APRT: variants seen among roughly 807,000 people sequenced by gnomAD.
APRT encodes adenine phosphoribosyltransferase.
Under a neutral mutation model 21.0 loss-of-function variants are expected in APRT, and 25 were observed. The ratio of observed to expected loss-of-function variants is 1.19; its 90% CI spans 0.87 to 1.66. APRT has a LOEUF of 1.66. APRT is among the 40% of genes most tolerant of loss of function. The probability of loss-of-function intolerance (pLI) is 0.00; values close to 1 mark genes in which losing one functional copy is unlikely to be tolerated. For missense variants in APRT, 294 were observed against 232.7 expected (o/e 1.26, Z -1.72); for synonymous variants, 153 against 109.0 (o/e 1.40, Z -2.52).
At chr16:88,810,836 C>T (rs1909105116) in intron 2 of APRT, among the ~76,000 whole-genome samples, 1 of 152,166 alleles carries the variant, frequency 6.6e-6, no homozygotes, top group African/African-American at 2.4e-5. Flanking sequence ...TGGTAGAAAC[C>T]TGACAGGCCT....
chr16:88,811,120 G>A (rs1909118705), intron 2 of APRT: 1 of 360,788 alleles, frequency 2.8e-6, no homozygotes, highest in South Asian at 5.0e-5. Flanking sequence ...TGTTCTCCCT[G>A]GGCCACCTCT....
Position 88,809,769 on chromosome 16 carries a change from C to T in APRT, c.472G>A (p.Glu158Lys), listed in dbSNP as rs777265858. 1.9e-6 allele frequency: 3 copies of T among 1,613,338 alleles called. No homozygotes were observed. In the South Asian group the frequency reaches 3.3e-5, roughly 18 times the overall value. Residue 158 changes from glutamate (E) to lysine (K), a missense_variant, in exon 5 of 5, where the codon GAG (glutamate) becomes AAG (lysine). Glu to Lys is a moderately conservative substitution (Grantham distance 56). Transcript: ENST00000378364. ...TCCCTGCCCTTAAGCGAGGTCAGCT[C>T]CACCAGGCTCACGCACTCCAGGACC... The part of the protein sequence containing the change: ...AEVLECVSLV[E>K]LTSLKGREKL...
chr16:88,810,465 T>C lies in APRT; in HGVS notation c.279A>G (p.Pro93=). Reference sequence around the variant, plus strand: ...AATAGGAGGCCCACAGAGTGGGGCCTGGCAGCTTCCCCCGCTTTCGGATGA... The same window carrying C: ...AATAGGAGGCCCACAGAGTGGGGCCCGGCAGCTTCCCCCGCTTTCGGATGA... ...CVLIRKRGKL[P]GPTLWASYSL... The change falls in exon 3 of 5, where the codon CCA becomes CCG. Residue 93 remains proline (P), a synonymous_variant. Transcript: ENST00000378364. The C allele has an allele frequency of 6.2e-7, 1 of 1,612,384 alleles. No homozygotes were observed. The highest frequency in any genetic ancestry group is 8.5e-7 in the Non-Finnish European group (1 of 1,179,984).
chr16:88,811,433 C>T, intron 2 of APRT, 117 bp downstream of exon 2: 2 of 1,147,016 alleles, frequency 1.7e-6, no homozygotes, highest in Non-Finnish European at 2.5e-6. Context: ...GGCGCCCGTC[C>T]CGGCGCCCCC....
At chr16:88,809,940 A>C in intron 4 of APRT, 100 bp from the exon 5 acceptor site, 1 of 1,575,852 alleles carries the variant, frequency 6.3e-7, no homozygotes, top group Non-Finnish European at 8.7e-7. Context: ...TGGGGAGAGG[A>C]AGGTGTCGGC....
At chr16:88,810,180 CT>C (rs1567504737) in intron 3 of APRT, 32 bp from the exon 4 acceptor site, 1 of 1,607,678 alleles carries the variant, frequency 6.2e-7, no homozygotes. Flanking sequence ...GGTCCTCAGC[CT>C]CCCGCAGAAA....
At chr16:88,810,245 CACCTTGCTGTT>C in intron 3 of APRT, 97 bp from the exon 4 acceptor site, 3 of 1,520,640 alleles carry the variant, frequency 2.0e-6, no homozygotes, top group Non-Finnish European at 2.7e-6. Context: ...ACTCCAACCC[CACCTTGCTGTT>C]ACCTGGCTGT....
intron 2 of APRT, chr16:88,811,163 C>A: frequency 2.3e-6 from 1 of 428,136 alleles, no homozygotes; most frequent in South Asian, 4.3e-5. Context: ...GGCCTCCCTT[C>A]CCTGGGTGGG....
chr16:88,809,961 G>A (rs1909049825), intron 4 of APRT, 109 bp downstream of exon 4: 1 of 1,565,888 alleles, frequency 6.4e-7, no homozygotes, highest in Non-Finnish European at 8.7e-7. Flanking sequence ...CTGGCCACCA[G>A]GCACCCTCTG....
chr16:88,810,337 A>G, intron 3 of APRT, 86 bp downstream of exon 3: 2 of 1,576,462 alleles, frequency 1.3e-6, no homozygotes, highest in Non-Finnish European at 1.7e-6. Context: ...TCCACTTGAC[A>G]CGCCTGGGAA....
chr16:88,809,727 G>A lies in APRT; in HGVS notation c.514C>T (p.Pro172Ser), dbSNP rs781239221. The change falls in exon 5 of 5, where the codon CCC (proline) becomes TCC (serine). Residue 172 changes from proline (P) to serine (S), a missense_variant. Physicochemically the swap from Pro to Ser is moderately conservative, Grantham distance 74 (BLOSUM62 -1). Coordinates refer to ENST00000378364, the MANE Select transcript of APRT (RefSeq NM_000485.3). Reference protein sequence around the residue: ...LKGREKLAPVPFFSLLQYE With the variant: ...LKGREKLAPVSFFSLLQYE ...TCATACTGCAGGAGAGAGAAGAAGG[G>A]TACAGGTGCCAGCTTCTCCCTGCCC... is the stretch of plus-strand genomic sequence containing the variant. 4 of 1,613,286 alleles carry A rather than the reference G, an allele frequency of 2.5e-6. No homozygotes were observed. The highest frequency in any genetic ancestry group is 2.7e-5 in the African/African-American group (2 of 74,918).
rs1909026101 is a variant in APRT at position 88,809,602 on chromosome 16, C to T, written c.*96G>A. On this transcript the variant is annotated 3_prime_UTR_variant, in exon 5 of 5. Coordinates refer to ENST00000378364, the MANE Select transcript of APRT (RefSeq NM_000485.3). ...CTGAACCCCAGCAAAGGAATGTGTTCCCTGTGGGCAGCCGGTGCCCCTGGT... is the reference window on the plus strand; with the variant it reads ...CTGAACCCCAGCAAAGGAATGTGTTTCCTGTGGGCAGCCGGTGCCCCTGGT... 2.5e-6 allele frequency: 4 copies of T among 1,569,406 alleles called. No homozygotes were observed. Among genetic ancestry groups the T allele is most frequent in the Admixed American group, 1.7e-5 (1 of 59,784 alleles).
At chr16:88,811,712 G>T in intron 1 of APRT, 56 bp from the exon 2 acceptor site, 1 of 1,507,580 alleles carries the variant, frequency 6.6e-7, no homozygotes, top group South Asian at 1.2e-5. Context: ...AGGGCCCCGG[G>T]GGCGAAAGAC....
At position 88,810,101 on chromosome 16, in the gene APRT, C is replaced by T. The variant is rs201227087; in HGVS notation, c.369G>A (p.Val123=). Residue 123 remains valine (V), a synonymous_variant, in exon 4 of 5, where the codon GTG becomes GTA. Coordinates refer to ENST00000378364, the MANE Select transcript of APRT (RefSeq NM_000485.3). ...QKDALEPGQR[V]VVVDDLLATG... ...TGGCCAGCAGATCATCCACGACGAC[C>T]ACCCTCTGTCCTGGCTCCAGGGCGT... The T allele has an allele frequency of 6.2e-7, 1 of 1,613,256 alleles. No individual in the cohort carries two copies. Among genetic ancestry groups the T allele is most frequent in the South Asian group, 1.1e-5 (1 of 91,084 alleles).
In APRT at chr16:88,811,817, C is replaced by T. The variant is rs763273216; in HGVS notation, c.80+3G>A. 24 of 1,564,692 alleles carry T rather than the reference C, an allele frequency of 1.5e-5. No homozygotes were observed. The highest frequency in any genetic ancestry group is 2.0e-5 in the Non-Finnish European group (23 of 1,156,798). ...GCGCCACGAGGGCGGCCTGTGCGTG[C>T]ACCTGAATACCACGCCTGGGGTGGG... On this transcript the variant is annotated splice_donor_region_variant and intron_variant, in intron 1 of 4. Coordinates refer to ENST00000378364, the MANE Select transcript of APRT (RefSeq NM_000485.3).
At chr16:88,811,404 T>G in intron 2 of APRT, 146 bp downstream of exon 2, 1 of 878,476 alleles carries the variant, frequency 1.1e-6, no homozygotes, top group Non-Finnish European at 1.7e-6. Flanking sequence ...TCACAACCCT[T>G]CCCGGGCGAC....
chr16:88,810,844 C>T (rs1192867671), intron 2 of APRT, among the ~76,000 whole-genome samples: 2 of 152,172 alleles, frequency 1.3e-5, no homozygotes, highest in African/African-American at 2.4e-5. Context: ...ACCTGACAGG[C>T]CTCAGCTTAC....
At position 88,811,654 on chromosome 16, in the gene APRT, T is replaced by A. The variant is rs764240833; in HGVS notation, c.83A>T (p.Asp28Val). Residue 28 changes from aspartate to valine, a missense_variant and splice_region_variant, in exon 2 of 5, where the codon GAC (aspartate) becomes GTC (valine). Physicochemically the swap from Asp to Val is radical, Grantham distance 152. Transcript: ENST00000378364. ...DFPTPGVVFR[D>V]ISPVLKDPAS... ...GGGGTCCTTCAGGACGGGCGAGATG[T>A]CCCTGGACCCAAGGACAGGCCTGGT... 1.3e-6 allele frequency: 2 copies of A among 1,587,984 alleles called. No individual in the cohort carries two copies. The highest frequency in any genetic ancestry group is 1.7e-6 in the Non-Finnish European group (2 of 1,166,558).
chr16:88,809,677 T>C lies in APRT; in HGVS notation c.*21A>G, dbSNP rs751125608. ...TTTCCCTGGGATCCAGCTGGAGATG[T>C]TGGGCTGGGAGGCCCTGTGGTCACT... On this transcript the variant is annotated 3_prime_UTR_variant, in exon 5 of 5. Coordinates refer to ENST00000378364, the MANE Select transcript of APRT (RefSeq NM_000485.3). 6 of 1,613,148 alleles carry C rather than the reference T, an allele frequency of 3.7e-6. No individual in the cohort carries two copies. Among genetic ancestry groups the C allele is most frequent in the East Asian group, 2.2e-5 (1 of 44,884 alleles).
Sources: gnomAD v4.1 joint callset for allele counts (sites outside exome capture counted in the v4.1 genomes callset) on GRCh38, gnomAD v4.1.1 for gene constraint, MANE v1.5 for transcripts, NCBI Gene and HGNC (gene_info 2026-07-23, HGNC 2026-07-21) for gene names.